PIEZO2: variants seen among roughly 807,000 people sequenced by gnomAD.
PIEZO2 encodes the protein piezo type mechanosensitive ion channel component 2.
Under a neutral mutation model 337.3 loss-of-function variants are expected in PIEZO2, and 172 were observed. The observed-to-expected ratio is 0.51, with a 90% CI of 0.45 to 0.58. The LOEUF is 0.58. Among genes scored for constraint, PIEZO2 ranks in the 20% least tolerant of loss-of-function variants. The pLI is 0.00. For synonymous variants in PIEZO2, 1,251 were observed against 1,228.5 expected, an observed-to-expected ratio of 1.02 and a Z score of -0.38; for missense variants, 3,028 against 3,391.3, an observed-to-expected ratio of 0.89 and a Z score of 2.66.
At position 10,859,498 on chromosome 18, in the gene PIEZO2, G is replaced by A. The variant is rs552568252; in HGVS notation, c.493-2287C>T. Among the ~76,000 whole-genome samples the A allele has an allele frequency of 2.4e-4, 36 of 152,198 alleles. No homozygotes were observed. Among genetic ancestry groups the A allele is most frequent in the Non-Finnish European group, 2.9e-4 (20 of 68,040 alleles). On this transcript the variant is annotated intron_variant, in intron 5 of 55. Transcript: ENST00000674853. The surrounding 1 kb of genome is among the most constrained non-coding windows in gnomAD (Gnocchi z 4.9). ...TGATGACTGCATCCCATCTGCTCAG[G>A]ACACCAGGGAGAGAACAGCCCAGCC...
rs2036989450 is a variant in PIEZO2 at position 11,038,140 on chromosome 18, T to A, written c.160+27987A>T. 6.6e-6 allele frequency among the ~76,000 whole-genome samples: 1 copy of A among 152,192 alleles called. No individual in the cohort carries two copies. Among genetic ancestry groups the A allele is most frequent in the Admixed American group, 6.5e-5 (1 of 15,284 alleles). The stretch of plus-strand genomic sequence containing the variant: ...TACTCTGCACACTTTAAGAGAACTC[T>A]AGTAAAATTACAGTCTTTATAACCT... On this transcript the variant is annotated intron_variant, in intron 2 of 55. Coordinates refer to ENST00000674853, the MANE Select transcript of PIEZO2 (RefSeq NM_001378183.1). This position sits in a 1 kb window ranked among gnomAD's most constrained non-coding sequence, Gnocchi z 4.1.
rs188494383 is a variant in PIEZO2 at position 10,815,198 on chromosome 18, T to G, written c.918-7924A>C. On this transcript the variant is annotated intron_variant, in intron 7 of 55. Transcript: ENST00000674853. The surrounding 1 kb of genome is among the most constrained non-coding windows in gnomAD (Gnocchi z 4.1). ...AGGTTAAAAACAATGAAAATTCAAG[T>G]GGCACATATTCTACTTAGTATTTTA... 1.7e-3 allele frequency among the ~76,000 whole-genome samples: 262 copies of G among 152,326 alleles called. 2 individuals carry two copies. Among genetic ancestry groups the G allele is most frequent in the African/African-American group, 6.0e-3 (251 of 41,568 alleles).
chr18:10,774,136 A>G, intron 18 of PIEZO2, 98 bp from the exon 19 acceptor site: 1 of 685,864 alleles, frequency 1.5e-6, no homozygotes, highest in Non-Finnish European at 2.6e-6. Flanking sequence ...CATATCATCC[A>G]CTATTGCATT....
intron 2 of PIEZO2, among the ~76,000 whole-genome samples, chr18:11,061,520 C>T (rs1208491295): frequency 1.3e-5 from 2 of 152,118 alleles, no homozygotes; most frequent in Non-Finnish European, 2.9e-5. Flanking sequence ...TCGTCTCAGC[C>T]CACAATCTCC....
chr18:10,910,451 T>G (rs2030371336), intron 4 of PIEZO2, among the ~76,000 whole-genome samples: 1 of 152,028 alleles, frequency 6.6e-6, no homozygotes, highest in South Asian at 2.1e-4. Flanking sequence ...GGTGTGGTGG[T>G]GGGCGCCTGA....
Position 10,753,997 on chromosome 18 carries a change from G to A in PIEZO2, c.3924-1118C>T, listed in dbSNP as rs932881450. ...AGCCTAGGGGCCTTCTGAAGTGTGT[G>A]TGGTTTGAATTCAGTGGAATTGGGC... is the stretch of plus-strand genomic sequence containing the variant. On this transcript the variant is annotated intron_variant, in intron 27 of 55. Transcript: ENST00000674853. Among the ~76,000 whole-genome samples the A allele has an allele frequency of 4.6e-5, 7 of 152,306 alleles. No homozygotes were observed. The East Asian group carries it at 1.4e-3, about 29-fold the overall frequency.
rs919726032 is a variant in PIEZO2 at position 10,724,456 on chromosome 18, G to T, written c.5030-6197C>A. On this transcript the variant is annotated intron_variant, in intron 36 of 55. Coordinates refer to ENST00000674853, the MANE Select transcript of PIEZO2 (RefSeq NM_001378183.1). The surrounding 1 kb of genome is among the most constrained non-coding windows in gnomAD (Gnocchi z 5.8). ...GCATGCTGCAGCCAATCAGACCCCT[G>T]GTAGCAGAGCCTGGGCCCACCAAAG... Among the ~76,000 whole-genome samples the T allele has an allele frequency of 6.6e-6, 1 of 152,168 alleles. No individual in the cohort carries two copies. Among genetic ancestry groups the T allele is most frequent in the African/African-American group, 2.4e-5 (1 of 41,434 alleles).
At position 10,909,839 on chromosome 18, in the gene PIEZO2, T is replaced by C. The variant is rs117077904; in HGVS notation, c.329+1347A>G. 7.0e-3 allele frequency among the ~76,000 whole-genome samples: 1,070 copies of C among 152,334 alleles called. 8 individuals are homozygous for C. Among genetic ancestry groups the C allele is most frequent in the Non-Finnish European group, 0.012 (807 of 68,028 alleles). On this transcript the variant is annotated intron_variant, in intron 4 of 55. Coordinates refer to ENST00000674853, the MANE Select transcript of PIEZO2 (RefSeq NM_001378183.1). ...CTTTCTTTTAAGTTGGCCTATGGGATCTGACCACCCCAAATCAACTTCCCG... is the reference window on the plus strand; with the variant it reads ...CTTTCTTTTAAGTTGGCCTATGGGACCTGACCACCCCAAATCAACTTCCCG...
intron 3 of PIEZO2, among the ~76,000 whole-genome samples, chr18:10,931,226 C>T (rs8087138): frequency 0.02 from 2,988 of 152,110 alleles, 86 homozygotes; most frequent in African/African-American, 0.066. Context: ...GACGGAGTCT[C>T]GCTCTGTTTG....
intron 7 of PIEZO2, among the ~76,000 whole-genome samples, chr18:10,817,572 C>T (rs1453774395): frequency 2.0e-5 from 3 of 152,090 alleles, no homozygotes; most frequent in African/African-American, 7.2e-5. Flanking sequence ...TCTTCCGTGG[C>T]CTCATTTTAT....
Position 10,731,540 on chromosome 18 carries a change from A to G in PIEZO2, c.4915-19T>C, listed in dbSNP as rs1397151154. ...AAACAAACTGAAGGGAGAAAGTTCA[A>G]TTATTTTCTGGCCTTTTAATAATTT... On this transcript the variant is annotated intron_variant, in intron 35 of 55. Coordinates refer to ENST00000674853, the MANE Select transcript of PIEZO2 (RefSeq NM_001378183.1). The G allele has an allele frequency of 6.9e-7, 1 of 1,454,922 alleles. No individual in the cohort carries two copies. Among genetic ancestry groups the G allele is most frequent in the Non-Finnish European group, 9.2e-7 (1 of 1,092,026 alleles). The allele number at this position is 1,454,922 out of a possible 1,614,324, so 90.1% of individuals were successfully genotyped here.
chr18:11,108,923 C>A (rs1431419832), intron 1 of PIEZO2, among the ~76,000 whole-genome samples: 2 of 152,172 alleles, frequency 1.3e-5, no homozygotes, highest in Non-Finnish European at 2.9e-5. Flanking sequence ...TGGACTTCAT[C>A]CTGCACAGAA....
rs999406073 is a variant in PIEZO2 at position 10,940,069 on chromosome 18, C to G, written c.287-28841G>C. On this transcript the variant is annotated intron_variant, in intron 3 of 55. Transcript: ENST00000674853. This position sits in a 1 kb window ranked among gnomAD's most constrained non-coding sequence, Gnocchi z 5.3. ...TCTATACTCTGGGGACAGTGAGTTT[C>G]CCCTCATCAGAAACAAACTCCAGGG... Among the ~76,000 whole-genome samples the G allele has an allele frequency of 6.6e-6, 1 of 152,112 alleles. No individual in the cohort carries two copies. The highest frequency in any genetic ancestry group is 2.4e-5 in the African/African-American group (1 of 41,414).
intron 1 of PIEZO2, among the ~76,000 whole-genome samples, chr18:11,142,622 A>T (rs2040683857): frequency 6.6e-6 from 1 of 152,086 alleles, no homozygotes; most frequent in Non-Finnish European, 1.5e-5. Context: ...TCTACTAAAA[A>T]TACAAAAAAT....
chr18:10,725,248 A>C (rs2036485211), intron 36 of PIEZO2: 3 of 1,563,276 alleles, frequency 1.9e-6, no homozygotes, highest in Non-Finnish European at 2.6e-6. Context: ...TGAGGCTGCC[A>C]CCGGCAGGCA....
chr18:11,040,398 G>C (rs2037080011), intron 2 of PIEZO2, among the ~76,000 whole-genome samples: 1 of 152,066 alleles, frequency 6.6e-6, no homozygotes, highest in African/African-American at 2.4e-5. Flanking sequence ...AGGTTGAGGA[G>C]GTAATGACTA....
chr18:10,972,020 C>A (rs528075941), intron 3 of PIEZO2, among the ~76,000 whole-genome samples: 1 of 151,944 alleles, frequency 6.6e-6, no homozygotes, highest in South Asian at 2.1e-4. Context: ...CAGCTGGGTG[C>A]GGTGGCTCAC....
In PIEZO2 at chr18:10,942,544, G is replaced by C. The variant is rs1023530912; in HGVS notation, c.287-31316C>G. ...AGAGAGATGATTTAGGGTATCTGGCGGAAGAAATTTCTAAGCAACAAAGTA... is the reference window on the plus strand; with the variant it reads ...AGAGAGATGATTTAGGGTATCTGGCCGAAGAAATTTCTAAGCAACAAAGTA... On this transcript the variant is annotated intron_variant, in intron 3 of 55. Transcript: ENST00000674853. This position sits in a 1 kb window ranked among gnomAD's most constrained non-coding sequence, Gnocchi z 4.4. 2.6e-5 allele frequency among the ~76,000 whole-genome samples: 4 copies of C among 152,098 alleles called. No individual in the cohort carries two copies. Among genetic ancestry groups the C allele is most frequent in the Non-Finnish European group, 4.4e-5 (3 of 68,018 alleles).
chr18:10,704,262 A>C, intron 42 of PIEZO2, 132 bp downstream of exon 42: 1 of 1,196,366 alleles, frequency 8.4e-7, no homozygotes, highest in Non-Finnish European at 1.1e-6. Context: ...ATGTCTGTGG[A>C]ACTGCATGTT....
Sources: gnomAD v4.1 joint callset for allele counts (sites outside exome capture counted in the v4.1 genomes callset) on GRCh38, gnomAD v4.1.1 for gene constraint, Gnocchi (gnomAD v3.1) non-coding constraint, MANE v1.5 for transcripts, NCBI Gene and HGNC (gene_info 2026-07-23, HGNC 2026-07-21) for gene names.